MAP4K3: variants seen among roughly 807,000 people sequenced by gnomAD.
The protein encoded by MAP4K3 is mitogen-activated protein kinase kinase kinase kinase 3.
In MAP4K3, 94 loss-of-function variants were observed where a neutral mutation model predicts 143.5. The observed-to-expected ratio is 0.65, with a 90% CI of 0.55 to 0.78. The LOEUF is 0.78. Ranked by LOEUF, MAP4K3 falls within the 30% of genes least tolerant of loss-of-function variation. The pLI is 0.00. For missense variants in MAP4K3, 1,077 were observed against 1,068.1 expected (o/e 1.01, Z -0.12); for synonymous variants, 416 against 347.2 (o/e 1.20, Z -2.20).
At chr2:39,418,200 CT>C (rs1305112334) in intron 1 of MAP4K3, among the ~76,000 whole-genome samples, 2 of 36,774 alleles carry the variant, frequency 5.4e-5, no homozygotes, top group Non-Finnish European at 1.3e-4. Context: ...AAGACTCCGT[CT>C]CAAAAAAAAA....
intron 6 of MAP4K3, among the ~76,000 whole-genome samples, chr2:39,336,471 CAAAAAAAAAAAAAAAAA>C (rs55780656): frequency 7.8e-5 from 3 of 38,664 alleles, no homozygotes; most frequent in African/African-American, 4.4e-4. Context: ...GACTCCATCT[CAAAAAAAAAAAAAAAAA>C]AAAAAAAAAA....
chr2:39,272,214 T>C, intron 26 of MAP4K3, 69 bp downstream of exon 26: 2 of 1,240,210 alleles, frequency 1.6e-6, no homozygotes, highest in Non-Finnish European at 2.3e-6. Flanking sequence ...GCTCTTTCAC[T>C]TTCTGTAACA....
At chr2:39,402,366 G>T (rs1666974493) in intron 1 of MAP4K3, among the ~76,000 whole-genome samples, 1 of 152,112 alleles carries the variant, frequency 6.6e-6, no homozygotes, top group Non-Finnish European at 1.5e-5. Flanking sequence ...TTCCAGTTTT[G>T]AAGAAAACCA....
intron 31 of MAP4K3, among the ~76,000 whole-genome samples, chr2:39,257,215 C>T (rs747153306): frequency 3.9e-5 from 6 of 152,174 alleles, no homozygotes; most frequent in Non-Finnish European, 8.8e-5. Flanking sequence ...ATATTAATCA[C>T]CATTCATTTT....
At position 39,287,981 on chromosome 2, in the gene MAP4K3, A is replaced by T. The variant is rs1264454381; in HGVS notation, c.1474+140T>A. On this transcript the variant is annotated intron_variant, in intron 20 of 33. Coordinates refer to ENST00000263881, the MANE Select transcript of MAP4K3 (RefSeq NM_003618.4). ...AAACACTTTAAGCTAGTAGGCAAAA[A>T]GCAGAAAACATCTCCATAGCCACTG... The T allele has an allele frequency of 8.2e-6, 8 of 980,416 alleles. No individual in the cohort carries two copies. The Admixed American group carries it at 1.9e-4, about 23-fold the overall frequency. The allele number at this position is 980,416 out of a possible 1,614,324, so 60.7% of individuals were successfully genotyped here. A position where few individuals can be genotyped will look rare whatever the true frequency, so the allele number is the denominator to read the frequency against.
At chr2:39,416,368 C>T (rs1488069902) in intron 1 of MAP4K3, among the ~76,000 whole-genome samples, 1 of 152,074 alleles carries the variant, frequency 6.6e-6, no homozygotes, top group Non-Finnish European at 1.5e-5. Flanking sequence ...GCCAATAAAA[C>T]GCCTTTGCTA....
chr2:39,249,624 T>TAA lies in MAP4K3; in HGVS notation c.*992_*993dup. 1 of 152,580 alleles carries TAA rather than the reference T, an allele frequency of 6.6e-6. No homozygotes were observed. Among genetic ancestry groups the TAA allele is most frequent in the South Asian group, 2.1e-4 (1 of 4,834 alleles). 9.5% of individuals were successfully genotyped at this position (152,580 alleles called of 1,614,324 possible). A position where few individuals can be genotyped will look rare whatever the true frequency, so the allele number is the denominator to read the frequency against. On this transcript the variant is annotated 3_prime_UTR_variant, in exon 34 of 34. Coordinates refer to ENST00000263881, the MANE Select transcript of MAP4K3 (RefSeq NM_003618.4). ...GTCAAAAGAAATATGAAAAGGATCA[T>TAA]AAAATAAGGCCAACAAAAGTAAAAA...
At chr2:39,420,960 A>T (rs1228934780) in intron 1 of MAP4K3, among the ~76,000 whole-genome samples, 8 of 152,174 alleles carry the variant, frequency 5.3e-5, no homozygotes, top group African/African-American at 1.9e-4. Flanking sequence ...CAACTTTCCC[A>T]TCTCTCCAGG....
chr2:39,332,541 T>C (rs918641514), intron 7 of MAP4K3, among the ~76,000 whole-genome samples: 1 of 152,048 alleles, frequency 6.6e-6, no homozygotes, highest in East Asian at 1.9e-4. Context: ...TACTATTCTT[T>C]TAGATAAGTA....
At chr2:39,371,511 T>C (rs930158864) in intron 2 of MAP4K3, among the ~76,000 whole-genome samples, 5 of 152,148 alleles carry the variant, frequency 3.3e-5, no homozygotes, top group African/African-American at 1.2e-4. Context: ...AAATCTGATA[T>C]ACACAATGCT....
At chr2:39,385,551 CATATATATATATATATATATATATATAT>C (rs140387430) in intron 1 of MAP4K3, among the ~76,000 whole-genome samples, 35 of 111,256 alleles carry the variant, frequency 3.1e-4, no homozygotes, top group African/African-American at 1.6e-3. Context: ...GAGCGTTCTT[CATATATATATATATATATATATATATAT>C]ATATATATAT....
At position 39,406,627 on chromosome 2, in the gene MAP4K3, A is replaced by G. The variant is rs544655251; in HGVS notation, c.97-28504T>C. On this transcript the variant is annotated intron_variant, in intron 1 of 33. Coordinates refer to ENST00000263881, the MANE Select transcript of MAP4K3 (RefSeq NM_003618.4). ...TTGCCCTAGAATAGTATATTCAGCA[A>G]AAATATCCCTCAGACATGAAGTAGA... 1.4e-3 allele frequency among the ~76,000 whole-genome samples: 215 copies of G among 152,338 alleles called. 1 individual carries two copies. Among genetic ancestry groups the G allele is most frequent in the African/African-American group, 5.0e-3 (206 of 41,576 alleles).
At chr2:39,306,593 A>C (rs1219092941) in intron 15 of MAP4K3, among the ~76,000 whole-genome samples, 1 of 152,176 alleles carries the variant, frequency 6.6e-6, no homozygotes, top group East Asian at 1.9e-4. Flanking sequence ...TCATGGCTTC[A>C]TCTATCACTT....
Position 39,378,130 on chromosome 2 carries a change from G to C in MAP4K3, c.97-7C>G. Reference sequence around the variant, plus strand: ...CAGTGTTAACATTCCGTGCCTAAAAGAAAGAGGAAAAAAGGATTATTGTGA... The same window carrying C: ...CAGTGTTAACATTCCGTGCCTAAAACAAAGAGGAAAAAAGGATTATTGTGA... On this transcript the variant is annotated splice_region_variant and splice_polypyrimidine_tract_variant and intron_variant, in intron 1 of 33. Transcript: ENST00000263881. The C allele has an allele frequency of 6.5e-7, 1 of 1,548,708 alleles. No individual in the cohort carries two copies. Among genetic ancestry groups the C allele is most frequent in the Non-Finnish European group, 8.8e-7 (1 of 1,139,680 alleles).
At chr2:39,333,121 T>C (rs1683732506) in intron 7 of MAP4K3, among the ~76,000 whole-genome samples, 1 of 152,160 alleles carries the variant, frequency 6.6e-6, no homozygotes, top group Non-Finnish European at 1.5e-5. Flanking sequence ...CTAAATTACA[T>C]TCTTAAGTAA....
intron 3 of MAP4K3, among the ~76,000 whole-genome samples, chr2:39,351,959 C>A (rs996053646): frequency 6.6e-6 from 1 of 152,216 alleles, no homozygotes; most frequent in African/African-American, 2.4e-5. Context: ...GCATGAGCCA[C>A]CGCACCCAGC....
Position 39,278,556 on chromosome 2 carries a change from A to G in MAP4K3, c.1715-70T>C, listed in dbSNP as rs982992124. On this transcript the variant is annotated intron_variant, in intron 23 of 33. Transcript: ENST00000263881. The stretch of plus-strand genomic sequence containing the variant: ...TTTTTAAATAGGATTTCTATAATCT[A>G]AACTTCCGTAAATAAGTATTAACAT... The G allele has an allele frequency of 2.7e-4, 216 of 808,790 alleles. 1 individual carries two copies. In the Middle Eastern group the frequency reaches 4.2e-3, roughly 16 times the overall value. 50.1% of individuals were successfully genotyped at this position (808,790 alleles called of 1,614,324 possible).
chr2:39,316,550 T>C (rs1010867100), intron 12 of MAP4K3, among the ~76,000 whole-genome samples: 2 of 152,192 alleles, frequency 1.3e-5, no homozygotes, highest in East Asian at 1.9e-4. Flanking sequence ...TTCAAAAATT[T>C]CTTTTGAAAA....
At chr2:39,333,368 G>A (rs1002281615) in intron 7 of MAP4K3, among the ~76,000 whole-genome samples, 164 bp downstream of exon 7, 1 of 152,072 alleles carries the variant, frequency 6.6e-6, no homozygotes, top group Admixed American at 6.6e-5. Context: ...CCCTGTTTAA[G>A]AGAAGTGGAT....
Sources: allele counts gnomAD v4.1 joint callset (sites outside exome capture counted in the v4.1 genomes callset), GRCh38; gene constraint gnomAD v4.1.1; transcripts MANE v1.5; gene names NCBI Gene and HGNC (gene_info 2026-07-23, HGNC 2026-07-21).